The following IMMP2L variants were observed in gnomAD, a reference collection of about 807,000 sequenced individuals.
The protein encoded by IMMP2L is mitochondrial inner membrane protease subunit 2.
Under a neutral mutation model 19.3 loss-of-function variants are expected in IMMP2L, and 18 were observed. That is an observed-to-expected ratio of 0.93 (90% CI 0.64 to 1.38). The LOEUF (loss-of-function observed/expected upper bound fraction) is 1.38. IMMP2L is among the 40% of genes most tolerant of loss of function. IMMP2L has a pLI of 0.00. For synonymous variants in IMMP2L, 76 were observed against 73.0 expected (o/e 1.04, Z -0.21); for missense variants, 233 against 218.2 (o/e 1.07, Z -0.43).
intron 3 of IMMP2L, among the ~76,000 whole-genome samples, chr7:111,167,741 C>T (rs920595409): frequency 6.6e-6 from 1 of 151,834 alleles, no homozygotes; most frequent in East Asian, 1.9e-4. Context: ...ATAGCTGGTC[C>T]TAAGAACACA....
intron 3 of IMMP2L, among the ~76,000 whole-genome samples, chr7:111,023,075 G>A (rs1239662802): frequency 6.6e-6 from 1 of 152,120 alleles, no homozygotes; most frequent in Non-Finnish European, 1.5e-5. Flanking sequence ...GCATTCCATG[G>A]TCACAGAAGA....
intron 3 of IMMP2L, among the ~76,000 whole-genome samples, chr7:111,241,528 G>C (rs1815036940): frequency 6.6e-6 from 1 of 151,742 alleles, no homozygotes; most frequent in African/African-American, 2.4e-5. Flanking sequence ...TAACCTACTT[G>C]GCAAGGACAA....
intron 3 of IMMP2L, among the ~76,000 whole-genome samples, chr7:111,016,846 T>TAA (rs1563163286): frequency 1.2e-5 from 1 of 86,236 alleles, no homozygotes. Flanking sequence ...ATATTATATA[T>TAA]AATATATATT....
At chr7:111,177,064 G>GA (rs1458785922) in intron 3 of IMMP2L, among the ~76,000 whole-genome samples, 1 of 152,024 alleles carries the variant, frequency 6.6e-6, no homozygotes, top group African/African-American at 2.4e-5. Flanking sequence ...GTGAAATCTT[G>GA]AAAAAGTACT....
At chr7:111,070,953 T>G (rs1420856264) in intron 3 of IMMP2L, among the ~76,000 whole-genome samples, 1 of 152,178 alleles carries the variant, frequency 6.6e-6, no homozygotes, top group Non-Finnish European at 1.5e-5. Context: ...CATTTGTACT[T>G]TTTAAATAAC....
rs186565399 is a variant in IMMP2L at position 111,550,614 on chromosome 7, A to T, written c.-3+11237T>A. ...ATTTTACTGTGAACCAAAAGACCCT[A>T]AAAAAAAGTCTATTTTAAATAAGGC... On this transcript the variant is annotated intron_variant, in intron 1 of 5. Transcript: ENST00000405709. Among the ~76,000 whole-genome samples, 8 of 152,070 alleles carry T rather than the reference A, an allele frequency of 5.3e-5. No homozygotes were observed. The East Asian group carries it at 7.7e-4, about 15-fold the overall frequency.
At chr7:111,191,882 T>A (rs1808917833) in intron 3 of IMMP2L, among the ~76,000 whole-genome samples, 1 of 152,078 alleles carries the variant, frequency 6.6e-6, no homozygotes, top group Non-Finnish European at 1.5e-5. Flanking sequence ...AGCTACTTGG[T>A]TCCATTTCTA....
chr7:110,748,082 A>G (rs1471545540), intron 5 of IMMP2L, among the ~76,000 whole-genome samples: 2 of 152,088 alleles, frequency 1.3e-5, no homozygotes, highest in African/African-American at 2.4e-5. Flanking sequence ...GCAAAAATCC[A>G]AAGCATTCCT....
At chr7:111,153,112 A>G (rs1038871664) in intron 3 of IMMP2L, among the ~76,000 whole-genome samples, 5 of 152,136 alleles carry the variant, frequency 3.3e-5, no homozygotes, top group African/African-American at 1.2e-4. Flanking sequence ...CTAAAATAGC[A>G]TTTTGTATGT....
intron 3 of IMMP2L, among the ~76,000 whole-genome samples, chr7:111,010,390 T>C (rs1824813090): frequency 6.6e-6 from 1 of 152,160 alleles, no homozygotes; most frequent in Non-Finnish European, 1.5e-5. Flanking sequence ...TCATGTTTAA[T>C]CATTTTAATG....
chr7:110,882,544 C>A (rs989836517), intron 5 of IMMP2L, among the ~76,000 whole-genome samples: 1 of 152,012 alleles, frequency 6.6e-6, no homozygotes. Flanking sequence ...CCACACCCAG[C>A]TGATTTTTGT....
Position 110,924,051 on chromosome 7 carries a change from T to C in IMMP2L, c.306-37356A>G, listed in dbSNP as rs888418739. 2.6e-5 allele frequency among the ~76,000 whole-genome samples: 4 copies of C among 152,182 alleles called. No individual in the cohort carries two copies. The highest frequency in any genetic ancestry group is 4.4e-5 in the Non-Finnish European group (3 of 68,026). On this transcript the variant is annotated intron_variant, in intron 4 of 5. Transcript: ENST00000405709. This position sits in a 1 kb window ranked among gnomAD's most constrained non-coding sequence, Gnocchi z 4.2. ...GCTCAGTCTCAAGTTTACCTGAGTC[T>C]AATGTATGACAAAGGAATGATTCCC... is the stretch of plus-strand genomic sequence containing the variant.
chr7:111,075,294 T>G (rs1047525689), intron 3 of IMMP2L, among the ~76,000 whole-genome samples: 2 of 151,816 alleles, frequency 1.3e-5, no homozygotes, highest in African/African-American at 4.8e-5. Flanking sequence ...GCACTGCTAA[T>G]TTTTTGTGTT....
intron 2 of IMMP2L, among the ~76,000 whole-genome samples, chr7:111,502,756 T>C (rs546301003): frequency 3.3e-5 from 5 of 151,122 alleles, no homozygotes; most frequent in African/African-American, 1.2e-4. Context: ...GAAATAAAGA[T>C]GTTCTTTGAA....
chr7:111,124,087 T>C (rs1347812574), intron 3 of IMMP2L: 1 of 1,613,902 alleles, frequency 6.2e-7, no homozygotes, highest in African/African-American at 1.3e-5. Context: ...AGCTGGGAGC[T>C]ATGTTTCCTT....
intron 5 of IMMP2L, among the ~76,000 whole-genome samples, chr7:110,673,351 T>C (rs1792055603): frequency 6.6e-6 from 1 of 152,140 alleles, no homozygotes; most frequent in South Asian, 2.1e-4. Context: ...CATGAAACCA[T>C]TTTTCCCTCC....
intron 3 of IMMP2L, among the ~76,000 whole-genome samples, chr7:111,209,256 G>A (rs775617435): frequency 7.2e-5 from 11 of 151,896 alleles, no homozygotes; most frequent in African/African-American, 2.2e-4. Flanking sequence ...AATTAGCCAC[G>A]CATGGTGGCA....
chr7:110,918,799 C>G (rs1341493790), intron 4 of IMMP2L, among the ~76,000 whole-genome samples: 2 of 152,058 alleles, frequency 1.3e-5, no homozygotes, highest in African/African-American at 4.8e-5. Context: ...TTACATCGCT[C>G]TTCTTGTCAT....
chr7:110,775,385 A>G (rs530600857), intron 5 of IMMP2L, among the ~76,000 whole-genome samples: 34 of 152,038 alleles, frequency 2.2e-4, no homozygotes, highest in African/African-American at 7.9e-4. Context: ...GTGTCACCCG[A>G]AACAGAAAAA....
Sources: gnomAD v4.1 joint callset for allele counts (sites outside exome capture counted in the v4.1 genomes callset) on GRCh38, gnomAD v4.1.1 for gene constraint, Gnocchi (gnomAD v3.1) non-coding constraint, MANE v1.5 for transcripts, NCBI Gene and HGNC (gene_info 2026-07-23, HGNC 2026-07-21) for gene names.